The following RAB43 variants were observed in gnomAD, a reference collection of about 807,000 sequenced individuals.
RAB43 encodes the protein RAB43, member RAS oncogene family, also known as ras-related protein Rab-43.
A neutral mutation model predicts 18.8 loss-of-function variants in RAB43; 6 were observed. The observed-to-expected ratio is 0.32, with a 90% CI of 0.17 to 0.63. The LOEUF is 0.63. Among genes scored for constraint, RAB43 ranks in the 30% least tolerant of loss-of-function variants. RAB43 has a pLI of 0.79. For synonymous variants in RAB43, 103 were observed against 124.1 expected (o/e 0.83, Z 1.13); for missense variants, 195 against 289.1 (o/e 0.67, Z 2.36).
intron 1 of RAB43, among the ~76,000 whole-genome samples, chr3:129,113,844 T>G (rs1312379208): frequency 6.6e-6 from 1 of 151,824 alleles, no homozygotes; most frequent in African/African-American, 2.4e-5. Context: ...CTGGCTAACA[T>G]GGTGACACCC....
At position 129,088,412 on chromosome 3, in the gene RAB43, C is replaced by CA. The variant is rs1159597595; in HGVS notation, c.*2683dup. 1 of 91,352 alleles carries CA rather than the reference C, an allele frequency of 1.1e-5. No individual in the cohort carries two copies. Among genetic ancestry groups the CA allele is most frequent in the African/African-American group, 4.1e-5 (1 of 24,514 alleles). 5.7% of individuals were successfully genotyped at this position (91,352 alleles called of 1,614,324 possible). A position where few individuals can be genotyped will look rare whatever the true frequency, so the allele number is the denominator to read the frequency against. On this transcript the variant is annotated 3_prime_UTR_variant, in exon 3 of 3. Transcript: ENST00000315150. ...GTTCTGGGAGCTGTGTCCAGCTAGG[C>CA]ATCTGTGACCCCAAATGGCATGAAT...
At chr3:129,098,390 G>A (rs546148537) in intron 1 of RAB43, among the ~76,000 whole-genome samples, 60 of 152,296 alleles carry the variant, frequency 3.9e-4, no homozygotes, top group East Asian at 1.2e-3. Context: ...TAACTTCAAG[G>A]TGATCAGCCA....
rs765511663 is a variant in RAB43 at position 129,107,436 on chromosome 3, G to A, written c.205-12267C>T. Among the ~76,000 whole-genome samples the A allele has an allele frequency of 1.3e-5, 2 of 152,038 alleles. No homozygotes were observed. Among genetic ancestry groups the A allele is most frequent in the Non-Finnish European group, 2.9e-5 (2 of 68,026 alleles). On this transcript the variant is annotated intron_variant, in intron 1 of 2. Coordinates refer to ENST00000315150, the MANE Select transcript of RAB43 (RefSeq NM_198490.3). The surrounding 1 kb of genome is among the most constrained non-coding windows in gnomAD (Gnocchi z 4.2). The stretch of plus-strand genomic sequence containing the variant: ...TTCCGGGTATTCCTCTTCCTCGCAG[G>A]AAGCTAAGGGCATCCACGACCAGCC...
intron 1 of RAB43, among the ~76,000 whole-genome samples, chr3:129,113,323 G>A (rs1014263693): frequency 1.3e-5 from 2 of 151,954 alleles, no homozygotes; most frequent in East Asian, 3.9e-4. Flanking sequence ...GCGCCACCAT[G>A]CCCATCTAAT....
chr3:129,113,229 G>A (rs986784119), intron 1 of RAB43, among the ~76,000 whole-genome samples: 3 of 150,638 alleles, frequency 2.0e-5, no homozygotes, highest in Admixed American at 6.6e-5. Flanking sequence ...GCAGTGGCAC[G>A]ATCTTGGCTC....
chr3:129,098,087 G>T (rs1214222373), intron 1 of RAB43, among the ~76,000 whole-genome samples: 1 of 152,186 alleles, frequency 6.6e-6, no homozygotes, highest in Non-Finnish European at 1.5e-5. Context: ...GCCCCTTCCA[G>T]AGTTGAGAAC....
intron 1 of RAB43, among the ~76,000 whole-genome samples, chr3:129,099,752 G>T (rs909993551): frequency 6.6e-6 from 1 of 151,998 alleles, no homozygotes; most frequent in Non-Finnish European, 1.5e-5. Context: ...AAATTCACTG[G>T]ATGAACTTAA....
intron 1 of RAB43, among the ~76,000 whole-genome samples, chr3:129,102,314 A>G (rs936642541): frequency 1.3e-5 from 2 of 152,202 alleles, no homozygotes; most frequent in African/African-American, 4.8e-5. Flanking sequence ...CTGGGCTAAG[A>G]CAAGATGTGC....
chr3:129,119,017 G>T (rs183339636), intron 1 of RAB43, among the ~76,000 whole-genome samples: 1 of 152,182 alleles, frequency 6.6e-6, no homozygotes, highest in Non-Finnish European at 1.5e-5. Flanking sequence ...GAACTTTCTG[G>T]GTTGGTGGAA....
chr3:129,092,050 C>T (rs1418126071), intron 2 of RAB43, among the ~76,000 whole-genome samples: 1 of 141,582 alleles, frequency 7.1e-6, no homozygotes, highest in Admixed American at 7.2e-5. Flanking sequence ...AAGAGCGAAA[C>T]TCCGTCATAA....
intron 2 of RAB43, 101 bp from the exon 3 acceptor site, chr3:129,091,447 C>G: frequency 7.1e-7 from 1 of 1,407,078 alleles, no homozygotes; most frequent in South Asian, 1.4e-5. Context: ...TCCCTTCCAC[C>G]ACTATAAATG....
At chr3:129,113,019 G>C (rs551821802) in intron 1 of RAB43, among the ~76,000 whole-genome samples, 3 of 152,088 alleles carry the variant, frequency 2.0e-5, no homozygotes, top group Admixed American at 2.0e-4. Context: ...ACCAAAGCAG[G>C]TGCAGGTTCT....
intron 1 of RAB43, among the ~76,000 whole-genome samples, chr3:129,113,656 G>A (rs1935312623): frequency 6.6e-6 from 1 of 152,184 alleles, no homozygotes; most frequent in Non-Finnish European, 1.5e-5. Context: ...AAGTAGAGGA[G>A]AGCTGATTTT....
Position 129,089,986 on chromosome 3 carries a change from C to T in RAB43, c.*1110G>A, listed in dbSNP as rs1469049072. On this transcript the variant is annotated 3_prime_UTR_variant, in exon 3 of 3. Transcript: ENST00000315150. ...CCAGCCCTAGCCCTGGCTCTTTTGT[C>T]ACTGTGATACCTCTGAGCCACATGC... 2.0e-5 allele frequency: 3 copies of T among 149,928 alleles called. No homozygotes were observed. The highest frequency in any genetic ancestry group is 4.4e-5 in the Non-Finnish European group (3 of 67,646). The allele number at this position is 149,928 out of a possible 1,614,324, so 9.3% of individuals were successfully genotyped here.
chr3:129,119,493 C>A (rs896242904), intron 1 of RAB43, among the ~76,000 whole-genome samples: 4 of 152,154 alleles, frequency 2.6e-5, no homozygotes, highest in Non-Finnish European at 5.9e-5. Context: ...TGCCCAGGCT[C>A]CATCCTGTGT....
intron 1 of RAB43, among the ~76,000 whole-genome samples, chr3:129,114,413 AC>A (rs1486112695): frequency 6.6e-6 from 1 of 152,182 alleles, no homozygotes; most frequent in African/African-American, 2.4e-5. Context: ...TCTGGTTCAG[AC>A]TTTGCCACAA....
chr3:129,111,762 T>C lies in RAB43; in HGVS notation c.204+9524A>G, dbSNP rs1044781216. ...TTCTACATATTTCATAGAATTTTCA[T>C]GTATTTCATAAAATTGATTCTGTTC... On this transcript the variant is annotated intron_variant, in intron 1 of 2. Coordinates refer to ENST00000315150, the MANE Select transcript of RAB43 (RefSeq NM_198490.3). 3.9e-5 allele frequency among the ~76,000 whole-genome samples: 6 copies of C among 152,330 alleles called. No homozygotes were observed. In the South Asian group the frequency reaches 6.2e-4, roughly 16 times the overall value.
chr3:129,116,853 G>C (rs1055383081), intron 1 of RAB43, among the ~76,000 whole-genome samples: 23 of 151,776 alleles, frequency 1.5e-4, no homozygotes, highest in African/African-American at 5.3e-4. Context: ...TACATAACAG[G>C]CCTTTGTGTT....
chr3:129,112,400 AT>A (rs903063340), intron 1 of RAB43, among the ~76,000 whole-genome samples: 71 of 152,292 alleles, frequency 4.7e-4, no homozygotes, highest in Admixed American at 1.4e-3. Context: ...CATGGAGGTT[AT>A]CTGGCTTGAA....
Sources: gnomAD v4.1 joint callset for allele counts (sites outside exome capture counted in the v4.1 genomes callset) on GRCh38, gnomAD v4.1.1 for gene constraint, Gnocchi (gnomAD v3.1) non-coding constraint, MANE v1.5 for transcripts, NCBI Gene and HGNC (gene_info 2026-07-23, HGNC 2026-07-21) for gene names.